The following ZNF469 variants were observed in gnomAD, a reference collection of about 807,000 sequenced individuals.
The protein encoded by ZNF469 is zinc finger protein 469.
ZNF469 carries 1 observed loss-of-function variant against 1.0 expected under a neutral mutation model. That is an observed-to-expected ratio of 1.00 (90% CI 0.35 to 4.73). The LOEUF is 4.73. ZNF469 is among the 30% of genes most tolerant of loss of function. The pLI, the probability that ZNF469 is intolerant of heterozygous loss-of-function variation, is 0.16. For synonymous variants in ZNF469, 2,703 were observed against 2,363.4 expected (o/e 1.14, Z -4.17); for missense variants, 6,100 against 5,356.3 (o/e 1.14, Z -4.33).
chr16:88,121,251 G>A, the ZNF469 span, among the ~76,000 whole-genome samples: 8 of 150,360 alleles, frequency 5.3e-5, no homozygotes, highest in African/African-American at 2.0e-4. Context: ...GGGTGGGGGC[G>A]CTGTACTTGG....
rs1054187115 is a variant in ZNF469, at chr16:88,437,657, T to A, written c.10187T>A (p.Leu3396Gln). The A allele has an allele frequency of 2.1e-5, 32 of 1,546,602 alleles. No homozygotes were observed. The highest frequency in any genetic ancestry group is 9.8e-5 in the Admixed American group (5 of 50,878). Residue 3396 changes from leucine (L) to glutamine (Q), a missense_variant, in exon 3 of 3, where the codon CTG becomes CAG. Leu to Gln is a moderately radical substitution (Grantham distance 113). Coordinates refer to ENST00000565624, the MANE Select transcript of ZNF469 (RefSeq NM_001367624.2). ...CACGGGCTGCTGGAGCGGCCGGAGC[T>A]GCAGCACACGCCGCTGTATGCCTGC... ...GAHGLLERPE[L>Q]QHTPLYACEL...
the ZNF469 span, among the ~76,000 whole-genome samples, chr16:88,353,624 G>A: frequency 5.1e-4 from 78 of 152,324 alleles, no homozygotes; most frequent in African/African-American, 1.8e-3. Flanking sequence ...CAGAGCATGC[G>A]CGCGTGTCGT....
the ZNF469 span, among the ~76,000 whole-genome samples, chr16:88,291,824 C>G: frequency 5.3e-5 from 8 of 152,156 alleles, no homozygotes; most frequent in Non-Finnish European, 1.2e-4. Context: ...CTCAGTCTCC[C>G]TTCTGGGGAG....
At chr16:88,101,137 G>T in the ZNF469 span, among the ~76,000 whole-genome samples, 1 of 152,254 alleles carries the variant, frequency 6.6e-6, no homozygotes, top group Non-Finnish European at 1.5e-5. Context: ...GTGTTTTCAC[G>T]CAGGCTGGAT....
At chr16:88,285,350 C>T in the ZNF469 span, among the ~76,000 whole-genome samples, 12 of 152,386 alleles carry the variant, frequency 7.9e-5, no homozygotes, top group South Asian at 6.2e-4. Flanking sequence ...CTCTAACCCT[C>T]GGCATCTGTG....
Position 88,430,394 on chromosome 16 carries a change from C to G in ZNF469, c.2924C>G (p.Ala975Gly). 2 of 1,519,302 alleles carry G rather than the reference C, an allele frequency of 1.3e-6. No homozygotes were observed. Among genetic ancestry groups the G allele is most frequent in the Non-Finnish European group, 1.8e-6 (2 of 1,137,706 alleles). 94.1% of individuals were successfully genotyped at this position (1,519,302 alleles called of 1,614,324 possible). The change falls in exon 3 of 3, where the codon GCC (alanine) becomes GGC (glycine). Residue 975 changes from alanine (A) to glycine (G), a missense_variant. Transcript: ENST00000565624. ...EGSGSGGGGR[A>G]SGLRPRRNDG... is the part of the protein sequence containing the mutation. ...TCGGGGTCGGGCGGCGGCGGCAGAG[C>G]CTCCGGCCTGAGGCCCCGGAGGAAC...
the ZNF469 span, among the ~76,000 whole-genome samples, chr16:88,376,423 G>GC: frequency 6.6e-6 from 1 of 152,220 alleles, no homozygotes; most frequent in Non-Finnish European, 1.5e-5. Flanking sequence ...ACTGAAGGCC[G>GC]CTGTCCCTCT....
At chr16:88,149,927 C>T in the ZNF469 span, among the ~76,000 whole-genome samples, 2 of 152,262 alleles carry the variant, frequency 1.3e-5, no homozygotes, top group African/African-American at 2.4e-5. Context: ...CATCCTCCAG[C>T]TTTGCTGTGC....
At chr16:88,258,825 C>T in the ZNF469 span, among the ~76,000 whole-genome samples, 1 of 152,292 alleles carries the variant, frequency 6.6e-6, no homozygotes, top group East Asian at 1.9e-4. Flanking sequence ...CACAGTAATC[C>T]TTCTACACAG....
At chr16:88,193,148 TGGGG>T in the ZNF469 span, among the ~76,000 whole-genome samples, 1 of 22,746 alleles carries the variant, frequency 4.4e-5, no homozygotes, top group Non-Finnish European at 8.2e-5. Flanking sequence ...GTGATGGTGG[TGGGG>T]ATGGTGGTGA....
At chr16:88,271,858 T>C in the ZNF469 span, among the ~76,000 whole-genome samples, 9 of 151,684 alleles carry the variant, frequency 5.9e-5, no homozygotes, top group South Asian at 1.5e-3. Flanking sequence ...GAATTGTGGA[T>C]AAATGGGTGG....
chr16:88,421,139 G>A (rs1022264238), intron 1 of ZNF469, among the ~76,000 whole-genome samples: 3 of 151,860 alleles, frequency 2.0e-5, no homozygotes, highest in African/African-American at 4.8e-5. Flanking sequence ...TGGGAGCAGC[G>A]GCCAGGGGTG....
the ZNF469 span, among the ~76,000 whole-genome samples, chr16:88,185,783 C>T: frequency 1.3e-5 from 2 of 151,544 alleles, no homozygotes; most frequent in African/African-American, 4.9e-5. Context: ...CACACTCACA[C>T]ATGTGAATAT....
the ZNF469 span, among the ~76,000 whole-genome samples, chr16:88,251,627 C>T: frequency 2.9e-5 from 4 of 137,330 alleles, no homozygotes; most frequent in Non-Finnish European, 6.1e-5. Context: ...GGCGTGATCT[C>T]GGCTCACTGC....
chr16:88,367,391 G>A, the ZNF469 span, among the ~76,000 whole-genome samples: 1 of 152,232 alleles, frequency 6.6e-6, no homozygotes, highest in Non-Finnish European at 1.5e-5. Flanking sequence ...TGACGGAGCT[G>A]TGATTAGCAT....
the ZNF469 span, among the ~76,000 whole-genome samples, chr16:88,358,673 G>C: frequency 6.6e-6 from 1 of 152,056 alleles, no homozygotes; most frequent in Admixed American, 6.5e-5. Flanking sequence ...GCATTCCTCT[G>C]TGTGAAGGCA....
the ZNF469 span, among the ~76,000 whole-genome samples, chr16:88,348,674 G>A: frequency 6.6e-6 from 1 of 152,224 alleles, no homozygotes; most frequent in Non-Finnish European, 1.5e-5. Flanking sequence ...CCCCTGCCGT[G>A]AGACGTGGGG....
chr16:88,374,824 G>A, the ZNF469 span, among the ~76,000 whole-genome samples: 3 of 152,068 alleles, frequency 2.0e-5, no homozygotes, highest in Non-Finnish European at 4.4e-5. Context: ...CTGTATCTGC[G>A]CTCTGAGGCG....
the ZNF469 span, among the ~76,000 whole-genome samples, chr16:88,242,164 C>T: frequency 5.9e-5 from 9 of 152,314 alleles, no homozygotes; most frequent in East Asian, 3.9e-4. Context: ...GCTCTGCAAC[C>T]GGCTCTAGTG....
Sources: gnomAD v4.1 joint callset for allele counts (sites outside exome capture counted in the v4.1 genomes callset) on GRCh38, gnomAD v4.1.1 for gene constraint, MANE v1.5 for transcripts, NCBI Gene and HGNC (gene_info 2026-07-23, HGNC 2026-07-21) for gene names.